Variants in FER observed in about 807,000 individuals in gnomAD.
FER encodes the protein tyrosine-protein kinase Fer.
In FER, 63 loss-of-function variants were observed where a neutral mutation model predicts 111.0. That is an observed-to-expected ratio of 0.57 (90% CI 0.46 to 0.70). FER has a LOEUF of 0.70. Among genes scored for constraint, FER ranks in the 30% least tolerant of loss-of-function variants. The probability of loss-of-function intolerance (pLI) is 0.00; values close to 1 mark genes in which losing one functional copy is unlikely to be tolerated. For synonymous variants in FER, 327 were observed against 313.9 expected (o/e 1.04, Z -0.44); for missense variants, 914 against 954.0 (o/e 0.96, Z 0.55).
At chr5:109,185,735 A>G (rs558905222) in intron 18 of FER, among the ~76,000 whole-genome samples, 1 of 152,212 alleles carries the variant, frequency 6.6e-6, no homozygotes, top group Non-Finnish European at 1.5e-5. Context: ...TAAAACCAGT[A>G]AAGAGAATAG....
intron 6 of FER, 24 bp downstream of exon 6, chr5:108,867,974 A>G: frequency 5.1e-6 from 8 of 1,581,008 alleles, no homozygotes; most frequent in South Asian, 1.1e-5. Flanking sequence ...TCTTTTTATC[A>G]TAAAATCCCT....
intron 10 of FER, among the ~76,000 whole-genome samples, chr5:108,921,870 G>A (rs937683611): frequency 5.9e-5 from 9 of 152,080 alleles, no homozygotes; most frequent in African/African-American, 1.9e-4. Context: ...CATCTGTTAT[G>A]GTTTGAATTA....
intron 17 of FER, among the ~76,000 whole-genome samples, chr5:109,115,845 C>G (rs1164306766): frequency 6.6e-6 from 1 of 152,012 alleles, no homozygotes; most frequent in Admixed American, 6.6e-5. Context: ...TAAACTCTTT[C>G]CTTTTCTTCT....
At chr5:109,141,659 G>T (rs1753534976) in intron 17 of FER, among the ~76,000 whole-genome samples, 2 of 152,174 alleles carry the variant, frequency 1.3e-5, no homozygotes, top group African/African-American at 2.4e-5. Flanking sequence ...CATAGAGGCA[G>T]AGAACTTGCC....
At chr5:109,157,434 C>G (rs926837718) in intron 17 of FER, among the ~76,000 whole-genome samples, 2 of 152,020 alleles carry the variant, frequency 1.3e-5, no homozygotes, top group Non-Finnish European at 2.9e-5. Flanking sequence ...TTTTTGTAAA[C>G]CATTGTCTTC....
chr5:108,901,351 A>G (rs1749988057), intron 10 of FER, among the ~76,000 whole-genome samples: 1 of 152,164 alleles, frequency 6.6e-6, no homozygotes. Context: ...TAAGAAAGTG[A>G]TTATAATGAT....
chr5:109,100,627 CTTG>C (rs1353167306), intron 17 of FER, 108 bp downstream of exon 17: 2 of 1,151,276 alleles, frequency 1.7e-6, no homozygotes, highest in African/African-American at 1.6e-5. Context: ...CATGTCTTTT[CTTG>C]TTTTCTGTAT....
intron 13 of FER, among the ~76,000 whole-genome samples, chr5:109,014,446 T>C (rs953082666): frequency 3.9e-5 from 6 of 152,182 alleles, no homozygotes; most frequent in Non-Finnish European, 7.3e-5. Context: ...TCTATATCTC[T>C]GTTTTGGTAC....
At position 109,191,777 on chromosome 5, in the gene FER, T is replaced by A. The variant is rs1346171228; in HGVS notation, c.*4202T>A. ...TTCATTTATTTTTCTATGTTTTGAT[T>A]AGTTTCACATCAAGTCTGAATACTA... is the stretch of plus-strand genomic sequence containing the variant. On this transcript the variant is annotated 3_prime_UTR_variant, in exon 20 of 20. Transcript: ENST00000281092. The A allele has an allele frequency of 6.6e-6, 1 of 152,176 alleles. No homozygotes were observed. Among genetic ancestry groups the A allele is most frequent in the Non-Finnish European group, 1.5e-5 (1 of 68,028 alleles). 9.4% of individuals were successfully genotyped at this position (152,176 alleles called of 1,614,324 possible).
At chr5:109,107,071 A>C (rs1749023797) in intron 17 of FER, among the ~76,000 whole-genome samples, 2 of 152,170 alleles carry the variant, frequency 1.3e-5, no homozygotes, top group African/African-American at 2.4e-5. Context: ...ATAGTAGTAC[A>C]TTAAGGCTAT....
intron 10 of FER, among the ~76,000 whole-genome samples, chr5:108,917,409 A>G (rs909928459): frequency 7.9e-5 from 12 of 152,230 alleles, no homozygotes; most frequent in African/African-American, 2.2e-4. Context: ...CACTAGACCA[A>G]TGAAACACTG....
chr5:108,884,429 A>T (rs970158956), intron 9 of FER, among the ~76,000 whole-genome samples: 1 of 151,910 alleles, frequency 6.6e-6, no homozygotes, highest in Admixed American at 6.6e-5. Context: ...TAGAGTTCCA[A>T]ACCCACCCAA....
intron 15 of FER, 59 bp from the exon 16 acceptor site, chr5:109,047,045 C>A: frequency 1.0e-6 from 1 of 956,750 alleles, no homozygotes; most frequent in South Asian, 1.6e-5. Flanking sequence ...TATTTGTGAT[C>A]ACAAATTAAT....
chr5:109,100,666 T>G, intron 17 of FER, 147 bp downstream of exon 17: 1 of 787,838 alleles, frequency 1.3e-6, no homozygotes, highest in Non-Finnish European at 2.0e-6. Context: ...CCTCTGCTAG[T>G]TGTTTATATA....
At chr5:108,943,667 G>T (rs912589454) in intron 10 of FER, among the ~76,000 whole-genome samples, 2 of 151,992 alleles carry the variant, frequency 1.3e-5, no homozygotes, top group African/African-American at 4.8e-5. Context: ...TTCAAAACTT[G>T]ATAGGTATGA....
chr5:108,792,847 C>A, intron 2 of FER, among the ~76,000 whole-genome samples: 1 of 151,264 alleles, frequency 6.6e-6, no homozygotes, highest in Non-Finnish European at 1.5e-5. Flanking sequence ...TGACCTTGTA[C>A]CCTGTACTAT....
chr5:109,088,868 G>T (rs1777849826), intron 16 of FER, among the ~76,000 whole-genome samples: 1 of 152,016 alleles, frequency 6.6e-6, no homozygotes, highest in Non-Finnish European at 1.5e-5. Flanking sequence ...CTTAAAAAAA[G>T]AACAGCCTCT....
intron 3 of FER, among the ~76,000 whole-genome samples, chr5:108,825,811 T>C (rs889491527): frequency 1.2e-4 from 19 of 152,228 alleles, no homozygotes; most frequent in African/African-American, 4.1e-4. Context: ...ATCCACGTTC[T>C]TCTGTCATGG....
At chr5:109,000,825 A>G (rs1034989568) in intron 13 of FER, among the ~76,000 whole-genome samples, 1 of 152,208 alleles carries the variant, frequency 6.6e-6, no homozygotes, top group African/African-American at 2.4e-5. Context: ...AAGGGATATC[A>G]CCACCTGTCC....
Sources: gnomAD v4.1 joint callset for allele counts (sites outside exome capture counted in the v4.1 genomes callset) on GRCh38, gnomAD v4.1.1 for gene constraint, MANE v1.5 for transcripts, NCBI Gene and HGNC (gene_info 2026-07-23, HGNC 2026-07-21) for gene names.